Variants in MYH15 observed in about 807,000 individuals in gnomAD.
MYH15 encodes myosin-15.
In MYH15, 227 loss-of-function variants were observed where a neutral mutation model predicts 240.5. That is an observed-to-expected ratio of 0.94 (90% CI 0.85 to 1.05). The LOEUF (loss-of-function observed/expected upper bound fraction) is 1.05, where lower values mean the gene tolerates loss of function less well. Among genes scored for constraint, MYH15 ranks in the 50% least tolerant of loss-of-function variants. The pLI is 0.00. For missense variants in MYH15, 2,217 were observed against 2,247.5 expected, an observed-to-expected ratio of 0.99 and a Z score of 0.27; for synonymous variants, 785 against 796.7, an observed-to-expected ratio of 0.99 and a Z score of 0.25.
At chr3:108,475,653 T>C (rs1367077140) in intron 12 of MYH15, among the ~76,000 whole-genome samples, 1 of 152,216 alleles carries the variant, frequency 6.6e-6, no homozygotes, top group African/African-American at 2.4e-5. Flanking sequence ...GTATACTCTG[T>C]ATTGCACTTG....
At chr3:108,524,900 A>T (rs2083654673) in intron 1 of MYH15, among the ~76,000 whole-genome samples, 1 of 152,064 alleles carries the variant, frequency 6.6e-6, no homozygotes. Context: ...ATTCTGCTAG[A>T]GACCCAGCCA....
intron 38 of MYH15, among the ~76,000 whole-genome samples, chr3:108,387,966 C>T (rs192865070): frequency 3.3e-4 from 51 of 152,320 alleles, no homozygotes; most frequent in Non-Finnish European, 2.9e-5. Flanking sequence ...GCCTCAGGAA[C>T]CAGAATCAGG....
At chr3:108,512,807 A>G (rs1576277770), upstream of MYH15, among the ~76,000 whole-genome samples, 1 of 152,168 alleles carries the variant, frequency 6.6e-6, no homozygotes, top group East Asian at 1.9e-4. Context: ...TAACATATTT[A>G]AAGGTGTACA....
At chr3:108,484,550 C>CTCA (rs2083291185) in intron 11 of MYH15, among the ~76,000 whole-genome samples, 1 of 152,160 alleles carries the variant, frequency 6.6e-6, no homozygotes, top group South Asian at 2.1e-4. Flanking sequence ...GCGATCTCGG[C>CTCA]TCACTACAAC....
chr3:108,500,275 C>G lies in MYH15; in HGVS notation c.340-1G>C, dbSNP rs1369566178. ...TCACACAGAAGAGACCTGAATATGT[C>G]TGAGGGAAAATCAGAAAAGATTTCA... On this transcript the variant is annotated splice_acceptor_variant, in intron 3 of 40. Coordinates refer to ENST00000693548, the MANE Select transcript of MYH15 (RefSeq NM_014981.3). LOFTEE classifies it high-confidence loss of function. 1 of 1,598,410 alleles carries G rather than the reference C, an allele frequency of 6.3e-7. No homozygotes were observed. Among genetic ancestry groups the G allele is most frequent in the Non-Finnish European group, 8.5e-7 (1 of 1,173,910 alleles).
intron 14 of MYH15, among the ~76,000 whole-genome samples, chr3:108,465,374 T>C (rs2083106045): frequency 6.6e-6 from 1 of 152,192 alleles, no homozygotes; most frequent in African/African-American, 2.4e-5. Flanking sequence ...AAAAGCTAGC[T>C]TGACGGAACA....
At chr3:108,490,843 C>G (rs983880871) in intron 9 of MYH15, among the ~76,000 whole-genome samples, 3 of 152,024 alleles carry the variant, frequency 2.0e-5, no homozygotes, top group Non-Finnish European at 4.4e-5. Flanking sequence ...CTTTATTGTT[C>G]TTTATAGACC....
intron 33 of MYH15, among the ~76,000 whole-genome samples, chr3:108,402,068 G>C (rs915536146): frequency 6.6e-6 from 1 of 152,130 alleles, no homozygotes; most frequent in Non-Finnish European, 1.5e-5. Flanking sequence ...CAATGCAGTA[G>C]GTCATTTATT....
chr3:108,492,674 C>T, intron 8 of MYH15, 79 bp from the exon 9 acceptor site: 1 of 995,772 alleles, frequency 1.0e-6, no homozygotes, highest in East Asian at 2.6e-5. Context: ...AGGCTGAGCG[C>T]AGTGGCTCAC....
chr3:108,381,798 A>C (rs2082345376), intron 40 of MYH15, among the ~76,000 whole-genome samples: 1 of 152,306 alleles, frequency 6.6e-6, no homozygotes. Context: ...TTGTCTTGCC[A>C]ATGAAGGCAG....
At chr3:108,402,822 T>C (rs1006101688) in intron 33 of MYH15, among the ~76,000 whole-genome samples, 1 of 152,146 alleles carries the variant, frequency 6.6e-6, no homozygotes, top group African/African-American at 2.4e-5. Context: ...GTCAGCTCAG[T>C]CTTGGGCCAT....
the MYH15 span, among the ~76,000 whole-genome samples, chr3:108,541,041 A>T: frequency 1.3e-5 from 2 of 152,100 alleles, no homozygotes; most frequent in African/African-American, 4.8e-5. Context: ...GTCATAAAGT[A>T]CTACTGAAGA....
intron 15 of MYH15, 127 bp downstream of exon 15, chr3:108,464,511 T>G: frequency 1.9e-5 from 18 of 957,884 alleles, no homozygotes; most frequent in Non-Finnish European, 2.8e-5. Flanking sequence ...TTTGTGGAAC[T>G]GAGATGTATT....
intron 6 of MYH15, among the ~76,000 whole-genome samples, chr3:108,497,676 G>T (rs1220557297): frequency 6.6e-6 from 1 of 152,056 alleles, no homozygotes; most frequent in South Asian, 2.1e-4. Context: ...GTGCATATTT[G>T]TGGGAATCTG....
At chr3:108,464,495 A>G in intron 15 of MYH15, 143 bp downstream of exon 15, 1 of 857,390 alleles carries the variant, frequency 1.2e-6, no homozygotes, top group Non-Finnish European at 1.8e-6. Flanking sequence ...AGGCTACACT[A>G]CCTTTTTTGT....
chr3:108,381,562 G>A lies in MYH15; in HGVS notation c.5767-3C>T. 3.7e-6 allele frequency: 6 copies of A among 1,613,704 alleles called. No individual in the cohort carries two copies. Among genetic ancestry groups the A allele is most frequent in the Non-Finnish European group, 4.2e-6 (5 of 1,179,638 alleles). The stretch of plus-strand genomic sequence containing the variant: ...AGGGGATGCTATTCTTCTTGAACCT[G>A]AAAAACAGAATGTCAGTGTGTTCTG... On this transcript the variant is annotated splice_region_variant and splice_polypyrimidine_tract_variant and intron_variant, in intron 40 of 40. Coordinates refer to ENST00000693548, the MANE Select transcript of MYH15 (RefSeq NM_014981.3).
At chr3:108,491,750 G>A (rs376656713) in intron 9 of MYH15, among the ~76,000 whole-genome samples, 5 of 151,970 alleles carry the variant, frequency 3.3e-5, no homozygotes, top group East Asian at 1.9e-4. Flanking sequence ...AGAAACCATC[G>A]GAATAAAATC....
rs1271322982 is a variant in MYH15 at position 108,486,538 on chromosome 3, A to C, written c.872-12T>G. ...TACCAGGAGCAGGTCTAGAGTGGGA[A>C]AACGATTCGTTAAACAGCTTAAAGA... On this transcript the variant is annotated splice_polypyrimidine_tract_variant and intron_variant, in intron 9 of 40. Transcript: ENST00000693548. 1 of 1,574,228 alleles carries C rather than the reference A, an allele frequency of 6.4e-7. No homozygotes were observed. The highest frequency in any genetic ancestry group is 1.7e-5 in the Admixed American group (1 of 59,564).
intron 37 of MYH15, among the ~76,000 whole-genome samples, chr3:108,391,413 G>A (rs991380979): frequency 9.9e-5 from 15 of 152,152 alleles, no homozygotes; most frequent in African/African-American, 3.1e-4. Flanking sequence ...AGGAATTAAC[G>A]GGAGAAAAGG....
Sources: gnomAD v4.1 joint callset for allele counts (sites outside exome capture counted in the v4.1 genomes callset) on GRCh38, gnomAD v4.1.1 for gene constraint, MANE v1.5 for transcripts, NCBI Gene and HGNC (gene_info 2026-07-23, HGNC 2026-07-21) for gene names.